The following RUFY3 variants were observed in gnomAD, a reference collection of about 807,000 sequenced individuals.
The protein encoded by RUFY3 is protein RUFY3.
RUFY3 carries 34 observed loss-of-function variants against 84.0 expected under a neutral mutation model. That is an observed-to-expected ratio of 0.40 (90% confidence interval 0.31 to 0.54). The LOEUF (loss-of-function observed/expected upper bound fraction) is 0.54, where lower values mean the gene tolerates loss of function less well. Among genes scored for constraint, RUFY3 ranks in the 20% least tolerant of loss-of-function variants. RUFY3 has a pLI of 0.39. For missense variants in RUFY3, 507 were observed against 736.8 expected, an observed-to-expected ratio of 0.69 and a Z score of 3.61; for synonymous variants, 242 against 252.9, an observed-to-expected ratio of 0.96 and a Z score of 0.41.
chr4:70,791,104 AGAG>A (rs1730738752), intron 12 of RUFY3: 6 of 580,938 alleles, frequency 1.0e-5, no homozygotes, highest in Non-Finnish European at 1.4e-5. Flanking sequence ...GCAAACAGAA[AGAG>A]AATAATGACT....
chr4:70,705,327 G>C (rs1740159984), intron 1 of RUFY3: 5 of 1,319,780 alleles, frequency 3.8e-6, no homozygotes, highest in Non-Finnish European at 4.8e-6. Context: ...GACGCCCGCG[G>C]GGAAGGGAGC....
chr4:70,782,289 TTC>T (rs1399186225), intron 8 of RUFY3, among the ~76,000 whole-genome samples: 1 of 150,132 alleles, frequency 6.7e-6, no homozygotes, highest in Non-Finnish European at 1.5e-5. Flanking sequence ...GATATTTTAT[TTC>T]TTTTTTTTTT....
chr4:70,788,145 C>T (rs1399441032), intron 10 of RUFY3, among the ~76,000 whole-genome samples: 1 of 151,926 alleles, frequency 6.6e-6, no homozygotes. Context: ...ATTAGCCAGG[C>T]ATGGTGGCAT....
At chr4:70,734,749 A>G (rs186829665) in intron 1 of RUFY3, among the ~76,000 whole-genome samples, 2 of 152,306 alleles carry the variant, frequency 1.3e-5, no homozygotes, top group Admixed American at 6.5e-5. Context: ...GCATAAAATC[A>G]GCTTTTCCTT....
chr4:70,741,772 C>A, intron 1 of RUFY3: 1 of 969,996 alleles, frequency 1.0e-6, no homozygotes, highest in Non-Finnish European at 1.4e-6. Context: ...GAGGAAATGT[C>A]AGCTTTAGGT....
chr4:70,788,955 A>G lies in RUFY3; in HGVS notation c.1221A>G (p.Glu407=), dbSNP rs771845086. Reference sequence around the variant, plus strand: ...ATGACCTCAGAGCTCTCAAGCATGAACTTGCCTTTAAGCTGCAGGTAGGGG... The same window carrying G: ...ATGACCTCAGAGCTCTCAAGCATGAGCTTGCCTTTAAGCTGCAGGTAGGGG... ...QLDDLRALKH[E]LAFKLQSSDL... Residue 407 remains glutamate, a synonymous_variant, in exon 11 of 18, where the codon GAA becomes GAG. Transcript: ENST00000381006. 2 of 1,614,056 alleles carry G rather than the reference A, an allele frequency of 1.2e-6. No individual in the cohort carries two copies. Among genetic ancestry groups the G allele is most frequent in the Non-Finnish European group, 1.7e-6 (2 of 1,179,956 alleles).
intron 12 of RUFY3, chr4:70,791,873 A>T (rs1730876541): frequency 1.0e-6 from 1 of 985,818 alleles, no homozygotes; most frequent in Non-Finnish European, 1.2e-6. Context: ...CTCAGTAACC[A>T]AGATTGCTTG....
At chr4:70,748,876 A>G (rs1377248194) in intron 1 of RUFY3, among the ~76,000 whole-genome samples, 1 of 152,086 alleles carries the variant, frequency 6.6e-6, no homozygotes, top group African/African-American at 2.4e-5. Context: ...TAGTCTTGAC[A>G]TAACCCAGTA....
At chr4:70,714,246 G>A (rs1426481467) in intron 1 of RUFY3, among the ~76,000 whole-genome samples, 1 of 152,060 alleles carries the variant, frequency 6.6e-6, no homozygotes, top group Non-Finnish European at 1.5e-5. Context: ...CACGTCTTCA[G>A]GCAACCAGCC....
intron 14 of RUFY3, among the ~76,000 whole-genome samples, chr4:70,796,848 A>G (rs984776821): frequency 3.9e-5 from 6 of 152,112 alleles, no homozygotes; most frequent in South Asian, 2.1e-4. Context: ...CAATTCTTCC[A>G]TCCATGCTTC....
At chr4:70,783,371 G>A (rs534602266) in intron 9 of RUFY3, among the ~76,000 whole-genome samples, 188 bp downstream of exon 9, 2 of 152,316 alleles carry the variant, frequency 1.3e-5, no homozygotes, top group African/African-American at 2.4e-5. Flanking sequence ...AAGATGCTTC[G>A]TGGCTTCACA....
chr4:70,778,805 C>T (rs1728415697), intron 8 of RUFY3, among the ~76,000 whole-genome samples: 1 of 152,060 alleles, frequency 6.6e-6, no homozygotes, highest in African/African-American at 2.4e-5. Flanking sequence ...GTCTTGAACT[C>T]CTGACCTCAG....
At chr4:70,759,912 G>A (rs574208008) in intron 1 of RUFY3, among the ~76,000 whole-genome samples, 36 of 152,290 alleles carry the variant, frequency 2.4e-4, no homozygotes, top group South Asian at 8.3e-4. Context: ...CAGTGCTACT[G>A]ACATCTAGTG....
chr4:70,792,846 C>G, intron 12 of RUFY3: 1 of 985,356 alleles, frequency 1.0e-6, no homozygotes, highest in Non-Finnish European at 1.2e-6. Context: ...TGCTCTTGAA[C>G]TTATTTTAAT....
At chr4:70,793,387 A>T (rs2148806301) in intron 12 of RUFY3, 1 of 1,047,080 alleles carries the variant, frequency 9.6e-7, no homozygotes, top group East Asian at 1.0e-4. Flanking sequence ...TGTAAAACAG[A>T]AAAATTAAGT....
At chr4:70,740,645 T>C (rs1460735899) in intron 1 of RUFY3, among the ~76,000 whole-genome samples, 2 of 152,360 alleles carry the variant, frequency 1.3e-5, no homozygotes, top group East Asian at 3.9e-4. Flanking sequence ...CTCATGAATC[T>C]GTAATCCTAC....
chr4:70,808,546 A>AAGTC lies in RUFY3; in HGVS notation c.*1890_*1893dup, dbSNP rs910482171. Reference sequence around the variant, plus strand: ...GCCTGGGAAAGAGTTGTTATTCCAAAAGTCAGCCTGTTACTTGGTGAAGCT... The same window carrying AAGTC: ...GCCTGGGAAAGAGTTGTTATTCCAAAAGTCAGTCAGCCTGTTACTTGGTGAAGCT... On this transcript the variant is annotated 3_prime_UTR_variant, in exon 18 of 18. Coordinates refer to ENST00000381006, the MANE Select transcript of RUFY3 (RefSeq NM_001037442.4). Among the ~76,000 whole-genome samples the AAGTC allele has an allele frequency of 6.6e-6, 1 of 152,194 alleles. No individual in the cohort carries two copies. The highest frequency in any genetic ancestry group is 1.5e-5 in the Non-Finnish European group (1 of 68,030).
rs756705723 is a variant in RUFY3, at chr4:70,806,506, C to T, written c.1720-10C>T. 2 of 1,613,912 alleles carry T rather than the reference C, an allele frequency of 1.2e-6. No homozygotes were observed. The highest frequency in any genetic ancestry group is 1.7e-6 in the Non-Finnish European group (2 of 1,179,794). The stretch of plus-strand genomic sequence containing the variant: ...TCTTCTATTCCCCGCCTAACCTCCT[C>T]TTCTCATAGAATGTGTGTAAGAACT... On this transcript the variant is annotated splice_polypyrimidine_tract_variant and intron_variant, in intron 17 of 17. Coordinates refer to ENST00000381006, the MANE Select transcript of RUFY3 (RefSeq NM_001037442.4).
At chr4:70,770,578 A>T (rs188162025) in intron 5 of RUFY3, among the ~76,000 whole-genome samples, 2 of 152,296 alleles carry the variant, frequency 1.3e-5, no homozygotes, top group East Asian at 3.9e-4. Flanking sequence ...ATTCAAGAGC[A>T]TTAGGGCCTT....
Sources: gnomAD v4.1 joint callset for allele counts (sites outside exome capture counted in the v4.1 genomes callset) on GRCh38, gnomAD v4.1.1 for gene constraint, MANE v1.5 for transcripts, NCBI Gene and HGNC (gene_info 2026-07-23, HGNC 2026-07-21) for gene names.